ORC5: variants seen among roughly 807,000 people sequenced by gnomAD.
ORC5 encodes protein phosphatase 1, regulatory subunit 117.
In ORC5, 39 loss-of-function variants were observed where a neutral mutation model predicts 58.8. That is an observed-to-expected ratio of 0.66 (90% CI 0.51 to 0.87). The LOEUF is 0.87. Ranked by LOEUF, ORC5 falls within the 40% of genes least tolerant of loss-of-function variation. The pLI, the probability that ORC5 is intolerant of heterozygous loss-of-function variation, is 0.00. For missense variants in ORC5, 493 were observed against 506.3 expected, an observed-to-expected ratio of 0.97 and a Z score of 0.25; for synonymous variants, 218 against 177.6, an observed-to-expected ratio of 1.23 and a Z score of -1.81.
At chr7:104,127,765 A>G (rs1457782445) in intron 13 of ORC5, among the ~76,000 whole-genome samples, 1 of 152,222 alleles carries the variant, frequency 6.6e-6, no homozygotes, top group Non-Finnish European at 1.5e-5. Context: ...AAAGTTTCTA[A>G]GCAAATGACT....
intron 12 of ORC5, 77 bp downstream of exon 12, chr7:104,160,995 A>C: frequency 2.4e-6 from 2 of 820,066 alleles, no homozygotes; most frequent in Non-Finnish European, 2.1e-6. Flanking sequence ...AAAAATCTGA[A>C]TGCCTGGAAT....
At chr7:104,134,141 G>A (rs1798553256) in intron 13 of ORC5, among the ~76,000 whole-genome samples, 1 of 152,200 alleles carries the variant, frequency 6.6e-6, no homozygotes, top group East Asian at 1.9e-4. Flanking sequence ...TTAGGTGGAG[G>A]CTGGGCGCGG....
intron 3 of ORC5, among the ~76,000 whole-genome samples, chr7:104,198,997 C>A (rs1018862067): frequency 6.6e-6 from 1 of 152,224 alleles, no homozygotes; most frequent in African/African-American, 2.4e-5. Context: ...CATGTGGGGC[C>A]TGCAGGTGCA....
chr7:104,179,109 ATTTTTTT>A (rs34769476), intron 8 of ORC5, among the ~76,000 whole-genome samples: 1 of 138,448 alleles, frequency 7.2e-6, no homozygotes, highest in Non-Finnish European at 1.6e-5. Context: ...AGAAAAGTGA[ATTTTTTT>A]TTTTTTTTTT....
At chr7:104,201,790 G>T (rs761408798) in intron 2 of ORC5, among the ~76,000 whole-genome samples, 1 of 151,718 alleles carries the variant, frequency 6.6e-6, no homozygotes, top group Non-Finnish European at 1.5e-5. Flanking sequence ...ATCCTCCTAC[G>T]AGGACTGTAA....
At chr7:104,201,523 T>C (rs1799942489) in intron 2 of ORC5, among the ~76,000 whole-genome samples, 1 of 151,954 alleles carries the variant, frequency 6.6e-6, no homozygotes, top group Non-Finnish European at 1.5e-5. Context: ...AAAGAATTCT[T>C]ATAAAGAAAT....
At chr7:104,203,998 AC>A in intron 2 of ORC5, 143 bp downstream of exon 2, 1 of 503,068 alleles carries the variant, frequency 2.0e-6, no homozygotes, top group African/African-American at 2.0e-5. Context: ...ATGACAGTAG[AC>A]CATTCATGGA....
intron 12 of ORC5, among the ~76,000 whole-genome samples, chr7:104,146,299 C>A (rs1798751627): frequency 6.6e-6 from 1 of 152,162 alleles, no homozygotes; most frequent in Non-Finnish European, 1.5e-5. Flanking sequence ...TATTACCCTG[C>A]AATTGCACTT....
In ORC5 at chr7:104,138,612, G is replaced by T. The variant is rs990346684; in HGVS notation, c.1150-1719C>A. On this transcript the variant is annotated intron_variant, in intron 12 of 13. Transcript: ENST00000297431. This position sits in a 1 kb window ranked among gnomAD's most constrained non-coding sequence, Gnocchi z 4.7. ...GCAGCCTCAACCTCCCCAGACTCAGGTGATCCTCCCACAGCAGCCTCCTGA... is the reference window on the plus strand; with the variant it reads ...GCAGCCTCAACCTCCCCAGACTCAGTTGATCCTCCCACAGCAGCCTCCTGA... Among the ~76,000 whole-genome samples the T allele has an allele frequency of 2.6e-5, 4 of 151,934 alleles. No homozygotes were observed. Among genetic ancestry groups the T allele is most frequent in the African/African-American group, 4.8e-5 (2 of 41,372 alleles).
At chr7:104,131,779 G>C (rs1432285622) in intron 13 of ORC5, among the ~76,000 whole-genome samples, 1 of 151,604 alleles carries the variant, frequency 6.6e-6, no homozygotes, top group African/African-American at 2.4e-5. Context: ...TTGAACCTTG[G>C]AGAAAGAGGC....
chr7:104,188,470 A>G, intron 5 of ORC5, 89 bp from the exon 6 acceptor site: 2 of 949,688 alleles, frequency 2.1e-6, no homozygotes, highest in Non-Finnish European at 1.5e-6. Flanking sequence ...TATTAAAAAA[A>G]AAACACCCAG....
intron 12 of ORC5, among the ~76,000 whole-genome samples, chr7:104,149,069 G>A (rs1027069794): frequency 2.0e-5 from 3 of 151,672 alleles, no homozygotes; most frequent in Non-Finnish European, 2.9e-5. Flanking sequence ...AAGGTTGGGG[G>A]AAAGCATGAT....
In ORC5 at chr7:104,173,838, ATTTTTTCTT is replaced by A. The variant is rs1191463721; in HGVS notation, c.825-5322_825-5314del. ...TTTAATCTGCATACCTGGGTTTAAA[ATTTTTTCTT>A]TTTTTTTTTTTTTTTGAGACGGAGT... On this transcript the variant is annotated intron_variant, in intron 8 of 13. Coordinates refer to ENST00000297431, the MANE Select transcript of ORC5 (RefSeq NM_002553.4). Among the ~76,000 whole-genome samples, 197 of 122,784 alleles carry A rather than the reference ATTTTTTCTT, an allele frequency of 1.6e-3. 1 individual carries two copies. Among genetic ancestry groups the A allele is most frequent in the African/African-American group, 5.0e-3 (177 of 35,062 alleles). The allele number at this position is 122,784 out of a possible 152,430, so 80.6% of individuals were successfully genotyped here.
chr7:104,167,548 T>C (rs1333132236), intron 9 of ORC5, among the ~76,000 whole-genome samples: 1 of 152,184 alleles, frequency 6.6e-6, no homozygotes, highest in East Asian at 1.9e-4. Flanking sequence ...TTTGTATCCC[T>C]ACACTGCCTT....
intron 8 of ORC5, among the ~76,000 whole-genome samples, chr7:104,182,856 C>T (rs60849630): frequency 0.045 from 6,818 of 152,086 alleles, 507 homozygotes; most frequent in African/African-American, 0.16. Context: ...CTGCAGTGAC[C>T]GGGTGTGGTG....
At chr7:104,199,031 G>T (rs971737925) in intron 3 of ORC5, among the ~76,000 whole-genome samples, 2 of 152,204 alleles carry the variant, frequency 1.3e-5, no homozygotes, top group African/African-American at 2.4e-5. Flanking sequence ...TTAACGTTTG[G>T]GAACCTCTGC....
intron 11 of ORC5, among the ~76,000 whole-genome samples, 177 bp from the exon 12 acceptor site, chr7:104,161,359 CCT>C (rs1799019399): frequency 6.6e-6 from 1 of 152,064 alleles, no homozygotes. Flanking sequence ...CATGATTTAT[CCT>C]TTTTTTAAGT....
In ORC5 at chr7:104,174,144, G is replaced by A. The variant is rs536108019; in HGVS notation, c.825-5619C>T. Among the ~76,000 whole-genome samples the A allele has an allele frequency of 4.0e-4, 61 of 151,810 alleles. 1 individual carries two copies. Among genetic ancestry groups the A allele is most frequent in the African/African-American group, 1.3e-3 (55 of 41,418 alleles). On this transcript the variant is annotated intron_variant, in intron 8 of 13. Coordinates refer to ENST00000297431, the MANE Select transcript of ORC5 (RefSeq NM_002553.4). Reference sequence around the variant, plus strand: ...CAGGCGTGAGCCACCGCGCCCGGCCGTAAAATTTTTGTGAATACTCTTATC... The same window carrying A: ...CAGGCGTGAGCCACCGCGCCCGGCCATAAAATTTTTGTGAATACTCTTATC...
Position 104,138,790 on chromosome 7 carries a change from C to T in ORC5, c.1150-1897G>A, listed in dbSNP as rs887860363. Among the ~76,000 whole-genome samples the T allele has an allele frequency of 6.6e-6, 1 of 152,152 alleles. No homozygotes were observed. The highest frequency in any genetic ancestry group is 6.5e-5 in the Admixed American group (1 of 15,276). On this transcript the variant is annotated intron_variant, in intron 12 of 13. Coordinates refer to ENST00000297431, the MANE Select transcript of ORC5 (RefSeq NM_002553.4). The surrounding 1 kb of genome is among the most constrained non-coding windows in gnomAD (Gnocchi z 4.7). ...CCTCCCAAAGTGTTGGGATTAGAGGCGTGAGCCCCCGCACCCAACCATTGC... is the reference window on the plus strand; with the variant it reads ...CCTCCCAAAGTGTTGGGATTAGAGGTGTGAGCCCCCGCACCCAACCATTGC...
Sources: gnomAD v4.1 joint callset for allele counts (sites outside exome capture counted in the v4.1 genomes callset) on GRCh38, gnomAD v4.1.1 for gene constraint, Gnocchi (gnomAD v3.1) non-coding constraint, MANE v1.5 for transcripts, NCBI Gene and HGNC (gene_info 2026-07-23, HGNC 2026-07-21) for gene names.